The following PARM1 variants were observed in gnomAD, a reference collection of about 807,000 sequenced individuals.
PARM1 encodes the protein prostate androgen-regulated mucin-like protein 1, also known as WSC4, cell wall integrity and stress response component 4 homolog.
Under a neutral mutation model 24.6 loss-of-function variants are expected in PARM1, and 14 were observed. The ratio of observed to expected loss-of-function variants is 0.57; its 90% CI spans 0.38 to 0.89. The LOEUF is 0.89. PARM1 is among the 40% of genes least tolerant of loss of function. The pLI, the probability that PARM1 is intolerant of heterozygous loss-of-function variation, is 0.00. For synonymous variants in PARM1, 179 were observed against 156.6 expected, an observed-to-expected ratio of 1.14 and a Z score of -1.07; for missense variants, 362 against 380.4, an observed-to-expected ratio of 0.95 and a Z score of 0.40.
intron 2 of PARM1, among the ~76,000 whole-genome samples, chr4:75,018,027 G>T (rs17000090): frequency 1.3e-5 from 2 of 152,154 alleles, no homozygotes; most frequent in African/African-American, 4.8e-5. Context: ...TATTCTGCTG[G>T]TGTGATTATC....
chr4:74,986,395 C>A (rs1207715937), intron 1 of PARM1, among the ~76,000 whole-genome samples: 1 of 152,208 alleles, frequency 6.6e-6, no homozygotes, highest in Non-Finnish European at 1.5e-5. Flanking sequence ...TAAAATATTT[C>A]TTCATGACTT....
chr4:75,008,206 T>A (rs1722808861), intron 1 of PARM1, among the ~76,000 whole-genome samples: 1 of 152,216 alleles, frequency 6.6e-6, no homozygotes, highest in Non-Finnish European at 1.5e-5. Context: ...ACCAACATTG[T>A]CATACAATTT....
chr4:75,000,307 TA>T (rs1268095706), intron 1 of PARM1, among the ~76,000 whole-genome samples: 3 of 152,244 alleles, frequency 2.0e-5, no homozygotes, highest in Non-Finnish European at 2.9e-5. Flanking sequence ...ATCATTTATT[TA>T]TATTGCAAGT....
chr4:74,967,587 G>A (rs984552564), intron 1 of PARM1: 1 of 152,138 alleles, frequency 6.6e-6, no homozygotes, highest in African/African-American at 2.4e-5. Flanking sequence ...TTCAAAGTTG[G>A]TTGGGCTTTT....
intron 1 of PARM1, among the ~76,000 whole-genome samples, chr4:74,943,497 TA>T (rs56709794): frequency 2.4e-3 from 346 of 143,380 alleles, no homozygotes; most frequent in Middle Eastern, 3.6e-3. Context: ...CAAAAAGCTG[TA>T]AAAAAAAAAA....
At position 75,039,622 on chromosome 4, in the gene PARM1, T is replaced by G. The variant is rs547395631; in HGVS notation, c.848+5661T>G. Among the ~76,000 whole-genome samples, 576 of 152,280 alleles carry G rather than the reference T, an allele frequency of 3.8e-3. 1 individual carries two copies. Among genetic ancestry groups the G allele is most frequent in the African/African-American group, 0.013 (541 of 41,558 alleles). On this transcript the variant is annotated intron_variant, in intron 3 of 3. Coordinates refer to ENST00000307428, the MANE Select transcript of PARM1 (RefSeq NM_015393.4). Reference sequence around the variant, plus strand: ...GGTGGGGCCCTTGCATTTACATATCTAACTAGCTCAAAGGTGATGCCAGTG... The same window carrying G: ...GGTGGGGCCCTTGCATTTACATATCGAACTAGCTCAAAGGTGATGCCAGTG...
chr4:75,002,253 C>T (rs560810532), intron 1 of PARM1, among the ~76,000 whole-genome samples: 9 of 152,270 alleles, frequency 5.9e-5, no homozygotes, highest in African/African-American at 2.2e-4. Context: ...GGAAGAGGTT[C>T]CAAATCAAAA....
intron 1 of PARM1, among the ~76,000 whole-genome samples, chr4:74,982,362 G>A (rs1722273909): frequency 6.6e-6 from 1 of 152,094 alleles, no homozygotes; most frequent in Admixed American, 6.5e-5. Context: ...TTAATACCTA[G>A]GTGATGGCTT....
In PARM1 at chr4:74,964,577, A is replaced by ACACACACACACACT. The variant is rs377411929; in HGVS notation, c.43+31209_43+31210insCACACACACACTCA. ...AGCACACACACACACACACACACAC[A>ACACACACACACACT]CATTGCATCCTTCCTTGATCTTTTG... On this transcript the variant is annotated intron_variant, in intron 1 of 3. Coordinates refer to ENST00000307428, the MANE Select transcript of PARM1 (RefSeq NM_015393.4). Among the ~76,000 whole-genome samples the ACACACACACACACT allele has an allele frequency of 9.3e-3, 1,421 of 152,040 alleles. 28 individuals are homozygous for ACACACACACACACT. Among genetic ancestry groups the ACACACACACACACT allele is most frequent in the African/African-American group, 0.033 (1,368 of 41,382 alleles).
intron 3 of PARM1, among the ~76,000 whole-genome samples, chr4:75,035,874 A>C (rs573540422): frequency 2.6e-5 from 4 of 152,306 alleles, no homozygotes; most frequent in Admixed American, 2.6e-4. Context: ...TCTCTTCATT[A>C]AGTCTGCATG....
At chr4:75,035,692 C>T (rs923294805) in intron 3 of PARM1, among the ~76,000 whole-genome samples, 1 of 152,022 alleles carries the variant, frequency 6.6e-6, no homozygotes, top group Non-Finnish European at 1.5e-5. Context: ...AAATCAATCT[C>T]GATAATGTCA....
At position 75,013,130 on chromosome 4, in the gene PARM1, T is replaced by C. The variant is rs776452411; in HGVS notation, c.749T>C (p.Val250Ala). ...TTTCCCAGGGTGATCATGCAGGAAG[T>C]AGAACATGCATTAAGTTCAGGTGAG... ...TTFPRVIMQE[V>A]EHALSSGSIA... The change falls in exon 2 of 4, where the codon GTA becomes GCA. Residue 250 changes from valine (V) to alanine (A), a missense_variant. Transcript: ENST00000307428. 1.1e-5 allele frequency: 18 copies of C among 1,613,122 alleles called. No homozygotes were observed. Among genetic ancestry groups the C allele is most frequent in the African/African-American group, 2.7e-5 (2 of 74,920 alleles).
At chr4:74,973,108 T>C (rs941457821) in intron 1 of PARM1, among the ~76,000 whole-genome samples, 5 of 152,156 alleles carry the variant, frequency 3.3e-5, no homozygotes, top group Admixed American at 2.6e-4. Context: ...ATGGGAGGTA[T>C]TTAAATTTAC....
intron 1 of PARM1, among the ~76,000 whole-genome samples, chr4:75,003,883 C>T (rs1042972663): frequency 2.6e-5 from 4 of 152,096 alleles, no homozygotes; most frequent in African/African-American, 9.7e-5. Context: ...TTAACATTCT[C>T]TCTCTCTCTC....
intron 1 of PARM1, among the ~76,000 whole-genome samples, chr4:75,001,145 A>G (rs1355598758): frequency 6.6e-6 from 1 of 152,218 alleles, no homozygotes; most frequent in Non-Finnish European, 1.5e-5. Context: ...TATGGCATGT[A>G]ATAAGCATTA....
At chr4:75,037,314 G>A (rs183446734) in intron 3 of PARM1, among the ~76,000 whole-genome samples, 11 of 152,298 alleles carry the variant, frequency 7.2e-5, no homozygotes, top group East Asian at 3.9e-4. Flanking sequence ...CTTCTGACCT[G>A]CAACCATGGG....
chr4:74,968,473 C>T lies in PARM1; in HGVS notation c.43+35103C>T, dbSNP rs535675339. 7.2e-5 allele frequency among the ~76,000 whole-genome samples: 11 copies of T among 152,264 alleles called. No individual in the cohort carries two copies. In the South Asian group the frequency reaches 2.3e-3, roughly 32 times the overall value. On this transcript the variant is annotated intron_variant, in intron 1 of 3. Transcript: ENST00000307428. Reference sequence around the variant, plus strand: ...GCACTTCCTGAATTCTATACCATTTCAACTTCAAATGAGATTTAAAATTTT... The same window carrying T: ...GCACTTCCTGAATTCTATACCATTTTAACTTCAAATGAGATTTAAAATTTT...
intron 1 of PARM1, among the ~76,000 whole-genome samples, chr4:74,936,556 C>T (rs1282018699): frequency 6.6e-6 from 1 of 151,686 alleles, no homozygotes; most frequent in Non-Finnish European, 1.5e-5. Flanking sequence ...CGGGTTCACG[C>T]CATTCTCCTG....
chr4:74,953,899 A>G (rs1721579335), intron 1 of PARM1, among the ~76,000 whole-genome samples: 1 of 152,156 alleles, frequency 6.6e-6, no homozygotes, highest in Admixed American at 6.5e-5. Flanking sequence ...CGCCTGGTGA[A>G]GTGGCCTATC....
Sources: allele counts gnomAD v4.1 joint callset (sites outside exome capture counted in the v4.1 genomes callset), GRCh38; gene constraint gnomAD v4.1.1; transcripts MANE v1.5; gene names NCBI Gene and HGNC (gene_info 2026-07-23, HGNC 2026-07-21).